The following A1CF variants were observed in gnomAD, a reference collection of about 807,000 sequenced individuals.
A1CF encodes the protein APOBEC-1 stimulating protein.
A neutral mutation model predicts 68.9 loss-of-function variants in A1CF; 48 were observed. That is an observed-to-expected ratio of 0.70 (90% confidence interval 0.55 to 0.89). A1CF has a LOEUF of 0.89. Ranked by LOEUF, A1CF falls within the 40% of genes least tolerant of loss-of-function variation. A1CF has a pLI of 0.00. For synonymous variants in A1CF, 272 were observed against 260.4 expected (o/e 1.04, Z -0.43); for missense variants, 653 against 718.9 (o/e 0.91, Z 1.05).
chr10:50,825,525 C>G (rs1312740797), intron 7 of A1CF, among the ~76,000 whole-genome samples: 1 of 152,142 alleles, frequency 6.6e-6, no homozygotes, highest in African/African-American at 2.4e-5. Context: ...TGTTTACAAG[C>G]TTATTTGACC....
Position 50,815,998 on chromosome 10 carries a change from G to A in A1CF, c.1141+8C>T, listed in dbSNP as rs776015357. 2 of 1,612,866 alleles carry A rather than the reference G, an allele frequency of 1.2e-6. No individual in the cohort carries two copies. The highest frequency in any genetic ancestry group is 1.7e-6 in the Non-Finnish European group (2 of 1,179,270). ...GATTACTCTAAAGCAAGATCTGACT[G>A]GTGTTACCTCTAACAGAAGGGGCTC... On this transcript the variant is annotated splice_region_variant and intron_variant, in intron 9 of 12. Coordinates refer to ENST00000373997, the MANE Select transcript of A1CF (RefSeq NM_014576.4).
chr10:50,828,124 G>A lies in A1CF; in HGVS notation c.769+7C>T, dbSNP rs371792325. On this transcript the variant is annotated splice_region_variant and intron_variant, in intron 7 of 12. Transcript: ENST00000373997. ...TTTGAAAAACTAATCTTGTATATAT[G>A]TCCTACCTGGTTTGATATTGTTGAA... is the stretch of plus-strand genomic sequence containing the variant. The A allele has an allele frequency of 3.3e-4, 525 of 1,568,276 alleles. 4 individuals are homozygous for A. The South Asian group carries it at 5.4e-3, about 16-fold the overall frequency.
intron 3 of A1CF, 44 bp downstream of exon 3, chr10:50,859,798 T>C: frequency 6.5e-7 from 1 of 1,541,290 alleles, no homozygotes. Context: ...CCCACCACTG[T>C]GCAAATTCAG....
intron 3 of A1CF, among the ~76,000 whole-genome samples, chr10:50,856,586 A>C (rs758313879): frequency 4.5e-4 from 68 of 152,140 alleles, no homozygotes; most frequent in Admixed American, 1.9e-3. Context: ...CATTATAACA[A>C]CTCTCAGTTT....
intron 1 of A1CF, among the ~76,000 whole-genome samples, chr10:50,870,519 A>T (rs1841212740): frequency 6.6e-6 from 1 of 151,894 alleles, no homozygotes; most frequent in Admixed American, 6.6e-5. Context: ...TTTACCAATA[A>T]TTTGAAAAAT....
At chr10:50,867,976 G>C (rs1841073572) in intron 1 of A1CF, among the ~76,000 whole-genome samples, 1 of 152,202 alleles carries the variant, frequency 6.6e-6, no homozygotes, top group Non-Finnish European at 1.5e-5. Flanking sequence ...TTGGTAAGCA[G>C]AGAAGTGTTC....
intron 2 of A1CF, among the ~76,000 whole-genome samples, chr10:50,861,285 T>A (rs562499607): frequency 1.7e-4 from 25 of 150,828 alleles, no homozygotes; most frequent in Non-Finnish European, 3.0e-4. Flanking sequence ...TTACTAAGAC[T>A]ACCTACTAAT....
At chr10:50,862,596 A>G (rs906363328) in intron 2 of A1CF, among the ~76,000 whole-genome samples, 3 of 152,104 alleles carry the variant, frequency 2.0e-5, no homozygotes, top group African/African-American at 7.2e-5. Flanking sequence ...TCTGTTTGCT[A>G]TTTCTACCCT....
intron 12 of A1CF, among the ~76,000 whole-genome samples, chr10:50,808,867 G>T (rs554993290): frequency 1.3e-5 from 2 of 152,016 alleles, no homozygotes; most frequent in African/African-American, 4.8e-5. Context: ...TCACACCTAC[G>T]CATGGCCAAT....
At chr10:50,833,552 G>C (rs1208814433) in intron 6 of A1CF, among the ~76,000 whole-genome samples, 2 of 152,196 alleles carry the variant, frequency 1.3e-5, no homozygotes. Flanking sequence ...CATCCCTTTA[G>C]ACAACTATTG....
chr10:50,871,904 A>T (rs968172376), intron 1 of A1CF, among the ~76,000 whole-genome samples: 4 of 152,206 alleles, frequency 2.6e-5, no homozygotes, highest in Non-Finnish European at 4.4e-5. Flanking sequence ...AAATGAAAAG[A>T]CTAGCAGATT....
At chr10:50,811,754 GT>G (rs544422076) in intron 10 of A1CF, among the ~76,000 whole-genome samples, 1 of 152,160 alleles carries the variant, frequency 6.6e-6, no homozygotes, top group East Asian at 1.9e-4. Flanking sequence ...TTTTTTGTTT[GT>G]TTGTTTGTTT....
intron 9 of A1CF, among the ~76,000 whole-genome samples, chr10:50,815,774 T>G (rs2132335690): frequency 6.6e-6 from 1 of 152,354 alleles, no homozygotes; most frequent in Admixed American, 6.5e-5. Context: ...AAAGTTTGAA[T>G]CTGTGCACTA....
rs1416464578 is a variant in A1CF at position 50,811,093 on chromosome 10, C to T, written c.1407G>A (p.Gln469=). ...GAATAGTTATTTTGTACAAGAATAGCTGTCTTTGGTCTTGTCCAATAGCAG... is the reference window on the plus strand; with the variant it reads ...GAATAGTTATTTTGTACAAGAATAGTTGTCTTTGGTCTTGTCCAATAGCAG... ...LHSAIGQDQR[Q]LFLYKITIPA... Residue 469 remains glutamine (Q), a synonymous_variant, in exon 11 of 13, where the codon CAG becomes CAA. Coordinates refer to ENST00000373997, the MANE Select transcript of A1CF (RefSeq NM_014576.4). 12 of 1,613,476 alleles carry T rather than the reference C, an allele frequency of 7.4e-6. No individual in the cohort carries two copies. The highest frequency in any genetic ancestry group is 1.0e-5 in the Non-Finnish European group (12 of 1,179,724).
chr10:50,840,712 T>G (rs1839735008), intron 5 of A1CF, among the ~76,000 whole-genome samples: 1 of 152,204 alleles, frequency 6.6e-6, no homozygotes. Flanking sequence ...ATATTCCAAC[T>G]GTGACCTGTC....
In A1CF at chr10:50,816,097, G is replaced by T. The variant is rs375973883; in HGVS notation, c.1050C>A (p.Pro350=). 162 of 1,613,668 alleles carry T rather than the reference G, an allele frequency of 1.0e-4. No individual in the cohort carries two copies. Among genetic ancestry groups the T allele is most frequent in the Non-Finnish European group, 1.3e-4 (152 of 1,179,866 alleles). The change falls in exon 9 of 13, where the codon CCC becomes CCA. Residue 350 remains proline (P), a synonymous_variant. Coordinates refer to ENST00000373997, the MANE Select transcript of A1CF (RefSeq NM_014576.4). ...GACTGGGAATTGCTGCATAGGTCTG[G>T]GGGGCATAGAAGACAGGAGCTCCAA... is the stretch of plus-strand genomic sequence containing the variant. ...TYLGAPVFYA[P]QTYAAIPSLH...
intron 6 of A1CF, among the ~76,000 whole-genome samples, chr10:50,831,574 CAAAGT>C (rs915277122): frequency 6.6e-6 from 1 of 151,932 alleles, no homozygotes; most frequent in African/African-American, 2.4e-5. Flanking sequence ...ACTAAAAATA[CAAAGT>C]TAGCCAGGCG....
chr10:50,832,992 G>T (rs1043371461), intron 6 of A1CF, among the ~76,000 whole-genome samples: 1 of 152,066 alleles, frequency 6.6e-6, no homozygotes, highest in Non-Finnish European at 1.5e-5. Context: ...CCATGAAGAT[G>T]ATTACCCAGT....
rs1042529933 is a variant in A1CF at position 50,864,838 on chromosome 10, G to C, written c.-93-758C>G. 2.6e-5 allele frequency among the ~76,000 whole-genome samples: 4 copies of C among 152,066 alleles called. No homozygotes were observed. The South Asian group carries it at 8.3e-4, about 32-fold the overall frequency. On this transcript the variant is annotated intron_variant, in intron 1 of 12. Coordinates refer to ENST00000373997, the MANE Select transcript of A1CF (RefSeq NM_014576.4). Reference sequence around the variant, plus strand: ...TCTCCATGTTGGTCAGGCTGGTCTCGACCTCCTGGCCTCAGGTGATCCGCC... The same window carrying C: ...TCTCCATGTTGGTCAGGCTGGTCTCCACCTCCTGGCCTCAGGTGATCCGCC...
Sources: gnomAD v4.1 joint callset for allele counts (sites outside exome capture counted in the v4.1 genomes callset) on GRCh38, gnomAD v4.1.1 for gene constraint, MANE v1.5 for transcripts, NCBI Gene and HGNC (gene_info 2026-07-23, HGNC 2026-07-21) for gene names.